Variants in OPA3 observed in about 807,000 individuals in gnomAD.
OPA3 encodes optic atrophy 3 protein.
Under a neutral mutation model 4.0 loss-of-function variants are expected in OPA3, and 6 were observed. That is an observed-to-expected ratio of 1.51 (90% CI 0.83 to 2.99). The LOEUF (loss-of-function observed/expected upper bound fraction) is 2.99, where lower values mean the gene tolerates loss of function less well. OPA3 is among the 30% of genes most tolerant of loss of function. The pLI is 0.00. For missense variants in OPA3, 235 were observed against 256.2 expected, an observed-to-expected ratio of 0.92 and a Z score of 0.56; for synonymous variants, 105 against 117.1, an observed-to-expected ratio of 0.90 and a Z score of 0.67.
chr19:45,582,488 T>C (rs1969871318), intron 1 of OPA3, among the ~76,000 whole-genome samples: 1 of 152,082 alleles, frequency 6.6e-6, no homozygotes, highest in Admixed American at 6.6e-5. Context: ...TTTTTGTTTT[T>C]GTTTTGAGAC....
At position 45,551,794 on chromosome 19, in the gene OPA3, G is replaced by A; in HGVS notation, c.*1720C>T. 2.0e-6 allele frequency: 2 copies of A among 985,498 alleles called. No individual in the cohort carries two copies. The highest frequency in any genetic ancestry group is 2.4e-6 in the Non-Finnish European group (2 of 829,998). The allele number at this position is 985,498 out of a possible 1,614,324, so 61.0% of individuals were successfully genotyped here. ...CTGCTACATGAAGACAGGCTGTCGG[G>A]TCAGTCCAGAGCTCCGAGGAAAGAA... is the stretch of plus-strand genomic sequence containing the variant. On this transcript the variant is annotated 3_prime_UTR_variant, in exon 2 of 2. Coordinates refer to ENST00000263275, the MANE Select transcript of OPA3 (RefSeq NM_025136.4).
At chr19:45,575,645 C>A (rs571263044) in intron 1 of OPA3, among the ~76,000 whole-genome samples, 1 of 151,842 alleles carries the variant, frequency 6.6e-6, no homozygotes, top group East Asian at 1.9e-4. Context: ...CTTGCTCTGT[C>A]ACCCAGGCTG....
At position 45,535,983 on chromosome 19, in the gene OPA3, T is replaced by C. The variant is rs1310287459; in HGVS notation, c.143-6527A>G. ...GGCTCATGCCTGCAACCCCAGTACG[T>C]TGAGAGGCCAAGGTAGGCGGATCAC... is the stretch of plus-strand genomic sequence containing the variant. On this transcript the variant is annotated intron_variant, in intron 1 of 1. Transcript: ENST00000323060. 2.0e-5 allele frequency among the ~76,000 whole-genome samples: 3 copies of C among 151,900 alleles called. No individual in the cohort carries two copies. The East Asian group carries it at 5.8e-4, about 29-fold the overall frequency.
At chr19:45,558,584 T>A (rs1324687492) in intron 1 of OPA3, among the ~76,000 whole-genome samples, 1 of 152,134 alleles carries the variant, frequency 6.6e-6, no homozygotes, top group Non-Finnish European at 1.5e-5. Flanking sequence ...TTTGTTCAGA[T>A]CTACGCCATC....
In OPA3 at chr19:45,553,304, A is replaced by T; in HGVS notation, c.*210T>A. On this transcript the variant is annotated 3_prime_UTR_variant, in exon 2 of 2. Transcript: ENST00000263275. Reference sequence around the variant, plus strand: ...GTTTGGAGTGGGGGATAGGAGGTGAAGGATGATGGAGGGGGCTATGTTGCA... The same window carrying T: ...GTTTGGAGTGGGGGATAGGAGGTGATGGATGATGGAGGGGGCTATGTTGCA... 1 of 1,445,512 alleles carries T rather than the reference A, an allele frequency of 6.9e-7. No individual in the cohort carries two copies. Among genetic ancestry groups the T allele is most frequent in the Non-Finnish European group, 9.1e-7 (1 of 1,101,434 alleles). 89.5% of individuals were successfully genotyped at this position (1,445,512 alleles called of 1,614,324 possible).
In OPA3 at chr19:45,553,410, T is replaced by A; in HGVS notation, c.*104A>T. On this transcript the variant is annotated 3_prime_UTR_variant, in exon 2 of 2. Coordinates refer to ENST00000263275, the MANE Select transcript of OPA3 (RefSeq NM_025136.4). Reference sequence around the variant, plus strand: ...AACCAAATGCCAAGTTGCATCAAGATCCTGGTGGTTTCCACTGGGCCAGCG... The same window carrying A: ...AACCAAATGCCAAGTTGCATCAAGAACCTGGTGGTTTCCACTGGGCCAGCG... 1 of 1,596,444 alleles carries A rather than the reference T, an allele frequency of 6.3e-7. No individual in the cohort carries two copies. The highest frequency in any genetic ancestry group is 8.5e-7 in the Non-Finnish European group (1 of 1,178,102).
Position 45,546,521 on chromosome 19 carries a change from G to GAGACCCT in OPA3, c.*6992_*6993insAGGGTCT. 1 of 473,408 alleles carries GAGACCCT rather than the reference G, an allele frequency of 2.1e-6. No individual in the cohort carries two copies. The highest frequency in any genetic ancestry group is 2.7e-6 in the Non-Finnish European group (1 of 364,406). 29.3% of individuals were successfully genotyped at this position (473,408 alleles called of 1,614,324 possible). ...CTGCTTTTTTTTTTTTTTGAGACAG[G>GAGACCCT]GTCTCACTTTGTCTCCCAGGTTGAG... On this transcript the variant is annotated 3_prime_UTR_variant, in exon 2 of 2. Transcript: ENST00000263275.
intron 1 of OPA3, among the ~76,000 whole-genome samples, chr19:45,562,262 G>A (rs1208163725): frequency 1.5e-5 from 2 of 134,786 alleles, no homozygotes; most frequent in Non-Finnish European, 3.0e-5. Context: ...CAGGAGAATC[G>A]CTTGAATCCA....
intron 1 of OPA3, among the ~76,000 whole-genome samples, chr19:45,577,363 G>GA (rs1969784678): frequency 6.6e-6 from 1 of 152,206 alleles, no homozygotes; most frequent in African/African-American, 2.4e-5. Context: ...AGAAAGCAGG[G>GA]CCGCCAGTGC....
At position 45,548,578 on chromosome 19, in the gene OPA3, G is replaced by A. The variant is rs1969284918; in HGVS notation, c.*4936C>T. 2 of 985,310 alleles carry A rather than the reference G, an allele frequency of 2.0e-6. No individual in the cohort carries two copies. Among genetic ancestry groups the A allele is most frequent in the Non-Finnish European group, 1.2e-6 (1 of 829,876 alleles). The allele number at this position is 985,310 out of a possible 1,614,324, so 61.0% of individuals were successfully genotyped here. A position where few individuals can be genotyped will look rare whatever the true frequency, so the allele number is the denominator to read the frequency against. Reference sequence around the variant, plus strand: ...AAGACCCGGTGACGGCAGGGCTGGGGCTGTCTCTGTCACCACTGTGACCCC... The same window carrying A: ...AAGACCCGGTGACGGCAGGGCTGGGACTGTCTCTGTCACCACTGTGACCCC... On this transcript the variant is annotated 3_prime_UTR_variant, in exon 2 of 2. Transcript: ENST00000263275.
chr19:45,540,100 C>T (rs185008911), intron 1 of OPA3, among the ~76,000 whole-genome samples: 1 of 152,056 alleles, frequency 6.6e-6, no homozygotes, highest in Non-Finnish European at 1.5e-5. Context: ...AGGTGGATCA[C>T]GAGCTCAGGA....
At chr19:45,546,031 G>A (rs905072578), downstream of OPA3, among the ~76,000 whole-genome samples, 5 of 151,898 alleles carry the variant, frequency 3.3e-5, no homozygotes, top group African/African-American at 9.7e-5. Context: ...ATAAAATAAC[G>A]GAGAATAAAA....
downstream of OPA3, among the ~76,000 whole-genome samples, chr19:45,541,463 T>A (rs372844061): frequency 2.0e-5 from 3 of 152,180 alleles, no homozygotes; most frequent in African/African-American, 7.2e-5. Flanking sequence ...CCCAGCACTT[T>A]GGGAGGCTGA....
At chr19:45,575,895 C>T (rs1024130337) in intron 1 of OPA3, among the ~76,000 whole-genome samples, 4 of 152,150 alleles carry the variant, frequency 2.6e-5, no homozygotes, top group Non-Finnish European at 4.4e-5. Context: ...CATGAACCAC[C>T]GCACCTGCCC....
At chr19:45,561,056 G>A (rs1404220581) in intron 1 of OPA3, among the ~76,000 whole-genome samples, 1 of 152,124 alleles carries the variant, frequency 6.6e-6, no homozygotes, top group Admixed American at 6.6e-5. Flanking sequence ...AGGACAGGCC[G>A]GGCGCGGTGG....
intron 1 of OPA3, among the ~76,000 whole-genome samples, chr19:45,558,435 T>A (rs923284987): frequency 3.3e-5 from 5 of 152,116 alleles, no homozygotes; most frequent in Non-Finnish European, 7.4e-5. Context: ...GTACTCAAAC[T>A]ATAAAATGTA....
intron 1 of OPA3, among the ~76,000 whole-genome samples, chr19:45,573,004 G>C (rs976120435): frequency 6.6e-6 from 1 of 151,628 alleles, no homozygotes; most frequent in Non-Finnish European, 1.5e-5. Context: ...TTCTCAGCCT[G>C]CAACTTCCAG....
At position 45,551,933 on chromosome 19, in the gene OPA3, A is replaced by T. The variant is rs1969338956; in HGVS notation, c.*1581T>A. 4 of 985,464 alleles carry T rather than the reference A, an allele frequency of 4.1e-6. No homozygotes were observed. The highest frequency in any genetic ancestry group is 4.8e-6 in the Non-Finnish European group (4 of 830,050). 61.0% of individuals were successfully genotyped at this position (985,464 alleles called of 1,614,324 possible). A position where few individuals can be genotyped will look rare whatever the true frequency, so the allele number is the denominator to read the frequency against. The stretch of plus-strand genomic sequence containing the variant: ...GAAATGCTACTGAGCAAGGTGGGGA[A>T]GGCAAGAAAGGACATGCCACACAGT... On this transcript the variant is annotated 3_prime_UTR_variant, in exon 2 of 2. Transcript: ENST00000263275.
At chr19:45,559,721 C>T (rs1181376092) in intron 1 of OPA3, among the ~76,000 whole-genome samples, 1 of 152,024 alleles carries the variant, frequency 6.6e-6, no homozygotes, top group East Asian at 1.9e-4. Flanking sequence ...TTCTCTCTTC[C>T]TGTCTTTTCC....
Sources: gnomAD v4.1 joint callset for allele counts (sites outside exome capture counted in the v4.1 genomes callset) on GRCh38, gnomAD v4.1.1 for gene constraint, MANE v1.5 for transcripts, NCBI Gene and HGNC (gene_info 2026-07-23, HGNC 2026-07-21) for gene names.